Variants in ZNF804A observed in about 807,000 individuals in gnomAD.
ZNF804A encodes zinc finger protein 804A.
A neutral mutation model predicts 16.5 loss-of-function variants in ZNF804A; 2 were observed. The observed-to-expected ratio is 0.12, with a 90% confidence interval of 0.05 to 0.38. The LOEUF (loss-of-function observed/expected upper bound fraction) is 0.38, where lower values mean the gene tolerates loss of function less well. Ranked by LOEUF, ZNF804A falls within the 10% of genes least tolerant of loss-of-function variation. The pLI, the probability that ZNF804A is intolerant of heterozygous loss-of-function variation, is 0.99. For synonymous variants in ZNF804A, 534 were observed against 489.6 expected, an observed-to-expected ratio of 1.09 and a Z score of -1.20; for missense variants, 1,473 against 1,390.7, an observed-to-expected ratio of 1.06 and a Z score of -0.94.
chr2:184,746,981 T>C (rs1693798933), intron 1 of ZNF804A, among the ~76,000 whole-genome samples: 1 of 151,396 alleles, frequency 6.6e-6, no homozygotes, highest in Non-Finnish European at 1.5e-5. Flanking sequence ...AAAGATTGCA[T>C]GTTTTACTTG....
chr2:184,755,863 G>A (rs1349456518), intron 1 of ZNF804A, among the ~76,000 whole-genome samples: 3 of 151,872 alleles, frequency 2.0e-5, no homozygotes, highest in African/African-American at 7.2e-5. Flanking sequence ...ACATTTTTCT[G>A]AATTCTACTC....
At chr2:184,719,662 T>G (rs1052447994) in intron 1 of ZNF804A, among the ~76,000 whole-genome samples, 5 of 152,138 alleles carry the variant, frequency 3.3e-5, no homozygotes, top group African/African-American at 7.2e-5. Context: ...GCCAGTCTCT[T>G]TCCTAAAACA....
intron 1 of ZNF804A, among the ~76,000 whole-genome samples, chr2:184,604,274 C>T (rs1691102011): frequency 6.8e-6 from 1 of 146,138 alleles, no homozygotes; most frequent in African/African-American, 2.5e-5. Context: ...GGGTTCACGC[C>T]ATTCTCCTGC....
chr2:184,642,268 A>C (rs1326521611), intron 1 of ZNF804A, among the ~76,000 whole-genome samples: 1 of 152,088 alleles, frequency 6.6e-6, no homozygotes, highest in African/African-American at 2.4e-5. Context: ...TGAGAGTAAC[A>C]CTGTTTTCTT....
chr2:184,799,698 A>G (rs1234205951), intron 1 of ZNF804A, among the ~76,000 whole-genome samples: 1 of 151,744 alleles, frequency 6.6e-6, no homozygotes, highest in East Asian at 1.9e-4. Flanking sequence ...TACTATTTTT[A>G]TTTATTTTTT....
chr2:184,652,097 G>C (rs910472092), intron 1 of ZNF804A, among the ~76,000 whole-genome samples: 3 of 152,146 alleles, frequency 2.0e-5, no homozygotes, highest in African/African-American at 7.2e-5. Flanking sequence ...TATAGACTAT[G>C]ATGCAGCATA....
intron 1 of ZNF804A, among the ~76,000 whole-genome samples, chr2:184,793,346 C>G (rs1337989244): frequency 1.3e-5 from 2 of 152,076 alleles, no homozygotes; most frequent in East Asian, 1.9e-4. Context: ...TGAGAAACCT[C>G]CAAAGTGCTT....
intron 1 of ZNF804A, among the ~76,000 whole-genome samples, chr2:184,708,387 AC>A (rs1295243765): frequency 6.6e-6 from 1 of 152,144 alleles, no homozygotes; most frequent in Non-Finnish European, 1.5e-5. Context: ...ACATTACCCA[AC>A]CTCAAACTAT....
At chr2:184,782,624 G>A (rs72903719) in intron 1 of ZNF804A, among the ~76,000 whole-genome samples, 1 of 150,516 alleles carries the variant, frequency 6.6e-6, no homozygotes, top group Non-Finnish European at 1.5e-5. Context: ...GTGGGACCTT[G>A]TGATTGTGCC....
intron 1 of ZNF804A, among the ~76,000 whole-genome samples, chr2:184,812,078 T>C (rs1347596606): frequency 6.6e-6 from 1 of 152,362 alleles, no homozygotes; most frequent in South Asian, 2.1e-4. Context: ...AGCAGTGCTA[T>C]TGGCAAACCA....
intron 1 of ZNF804A, among the ~76,000 whole-genome samples, chr2:184,677,624 A>T (rs1239751989): frequency 6.6e-6 from 1 of 152,032 alleles, no homozygotes; most frequent in Admixed American, 6.6e-5. Context: ...AGTTCAGAAT[A>T]TAACCCCAAA....
At chr2:184,678,192 G>A (rs555526231) in intron 1 of ZNF804A, among the ~76,000 whole-genome samples, 1 of 152,102 alleles carries the variant, frequency 6.6e-6, no homozygotes, top group Non-Finnish European at 1.5e-5. Context: ...CTTTAAAACA[G>A]TGTAAGTGAT....
chr2:184,833,213 C>T (rs1409209453), intron 1 of ZNF804A, among the ~76,000 whole-genome samples: 1 of 151,942 alleles, frequency 6.6e-6, no homozygotes, highest in Non-Finnish European at 1.5e-5. Flanking sequence ...CCTGTCTTAC[C>T]TTGTACTTCT....
chr2:184,621,202 A>G (rs773025375), intron 1 of ZNF804A, among the ~76,000 whole-genome samples: 7 of 151,730 alleles, frequency 4.6e-5, no homozygotes, highest in Non-Finnish European at 1.0e-4. Context: ...AACTTTCCAG[A>G]TGAAATATAT....
At chr2:184,855,298 G>A (rs1695668890) in intron 1 of ZNF804A, among the ~76,000 whole-genome samples, 1 of 151,962 alleles carries the variant, frequency 6.6e-6, no homozygotes, top group Admixed American at 6.6e-5. Flanking sequence ...GTACATTATT[G>A]CCTTAACAAA....
chr2:184,634,111 A>C (rs891730029), intron 1 of ZNF804A, among the ~76,000 whole-genome samples: 6 of 152,180 alleles, frequency 3.9e-5, no homozygotes, highest in African/African-American at 1.4e-4. Context: ...CAAATTATTC[A>C]ATATATCAGT....
At chr2:184,629,886 G>C (rs113130925) in intron 1 of ZNF804A, among the ~76,000 whole-genome samples, 3 of 152,146 alleles carry the variant, frequency 2.0e-5, no homozygotes, top group Admixed American at 6.5e-5. Context: ...TGAGTGCTGG[G>C]GATAAAAGTA....
At chr2:184,670,710 C>T (rs1246761832) in intron 1 of ZNF804A, among the ~76,000 whole-genome samples, 1 of 152,014 alleles carries the variant, frequency 6.6e-6, no homozygotes, top group Non-Finnish European at 1.5e-5. Flanking sequence ...TCTAAATTTA[C>T]TTATTTTAAA....
chr2:184,653,214 A>G (rs955730840), intron 1 of ZNF804A, among the ~76,000 whole-genome samples: 1 of 152,220 alleles, frequency 6.6e-6, no homozygotes, highest in African/African-American at 2.4e-5. Flanking sequence ...AATTCAAACA[A>G]CAACCAGGTG....
Sources: allele counts gnomAD v4.1 joint callset (sites outside exome capture counted in the v4.1 genomes callset), GRCh38; gene constraint gnomAD v4.1.1; transcripts MANE v1.5; gene names NCBI Gene and HGNC (gene_info 2026-07-23, HGNC 2026-07-21).